The following OSTN variants were observed in gnomAD, a reference collection of about 807,000 sequenced individuals.
The protein encoded by OSTN is osteocrin.
Under a neutral mutation model 12.0 loss-of-function variants are expected in OSTN, and 9 were observed. That is an observed-to-expected ratio of 0.75 (90% CI 0.45 to 1.30). The LOEUF (loss-of-function observed/expected upper bound fraction) is 1.30. OSTN is among the 50% of genes most tolerant of loss of function. The probability of loss-of-function intolerance (pLI) is 0.00; values close to 1 mark genes in which losing one functional copy is unlikely to be tolerated. For synonymous variants in OSTN, 59 were observed against 56.9 expected (o/e 1.04, Z -0.16); for missense variants, 148 against 152.3 (o/e 0.97, Z 0.15).
intron 4 of OSTN, among the ~76,000 whole-genome samples, chr3:191,260,153 T>A (rs1715774123): frequency 6.6e-6 from 1 of 152,062 alleles, no homozygotes. Flanking sequence ...CCAGCCTGTG[T>A]ATCCTTTTAA....
At chr3:191,228,123 C>T (rs2108539102) in intron 3 of OSTN, among the ~76,000 whole-genome samples, 1 of 152,252 alleles carries the variant, frequency 6.6e-6, no homozygotes, top group African/African-American at 2.4e-5. Context: ...TACTGATGCT[C>T]AGATTGTCAT....
At chr3:191,212,487 A>T (rs1206617932) in intron 1 of OSTN, 46 bp from the exon 2 acceptor site, 3 of 1,324,870 alleles carry the variant, frequency 2.3e-6, no homozygotes, top group Admixed American at 2.0e-5. Flanking sequence ...TTTTGTCTTT[A>T]CATTCCAAAC....
intron 3 of OSTN, among the ~76,000 whole-genome samples, chr3:191,239,418 C>A (rs1403896041): frequency 6.6e-6 from 1 of 152,224 alleles, no homozygotes; most frequent in Admixed American, 6.5e-5. Flanking sequence ...TTCCCTGCCT[C>A]TAGACCCTAT....
intron 3 of OSTN, chr3:191,228,932 G>C (rs1415488312): frequency 6.6e-6 from 1 of 152,094 alleles, no homozygotes; most frequent in Non-Finnish European, 1.5e-5. Context: ...ATTAACTGTT[G>C]TTAGCATCAC....
chr3:191,250,210 T>G, intron 4 of OSTN, 77 bp downstream of exon 4: 1 of 1,141,318 alleles, frequency 8.8e-7, no homozygotes, highest in Non-Finnish European at 1.3e-6. Context: ...CAATCCATTC[T>G]TGCTTATAAA....
chr3:191,211,379 C>G lies in OSTN; in HGVS notation c.1-1154C>G, dbSNP rs531484622. ...CTTTAAATCAGTAGTCTGAAAAAAT[C>G]TCAATTAATAAATCTATTTTCTCTT... On this transcript the variant is annotated intron_variant, in intron 1 of 4. Transcript: ENST00000682035. Among the ~76,000 whole-genome samples the G allele has an allele frequency of 3.0e-4, 46 of 152,196 alleles. 1 individual carries two copies. The South Asian group carries it at 9.1e-3, about 30-fold the overall frequency.
At chr3:191,261,330 G>A (rs1715805258) in intron 4 of OSTN, among the ~76,000 whole-genome samples, 1 of 152,160 alleles carries the variant, frequency 6.6e-6, no homozygotes. Flanking sequence ...TCAAAAAATT[G>A]TATATTATCT....
intron 3 of OSTN, among the ~76,000 whole-genome samples, chr3:191,239,537 G>A (rs1354155978): frequency 4.6e-5 from 7 of 152,170 alleles, no homozygotes; most frequent in Admixed American, 6.5e-5. Flanking sequence ...GCCTGTCCAT[G>A]TGGCTAATTC....
At chr3:191,224,141 G>A (rs1396250970) in intron 3 of OSTN, among the ~76,000 whole-genome samples, 2 of 152,158 alleles carry the variant, frequency 1.3e-5, no homozygotes, top group Non-Finnish European at 2.9e-5. Context: ...ACTTTGGGAT[G>A]CTGAGGCGGG....
rs941703428 is a variant in OSTN at position 191,252,944 on chromosome 3, T to A, written c.*12+2811T>A. Reference sequence around the variant, plus strand: ...AGGTTCAAAAACATAAAGTTTCATTTAATCCAACCCCATTTTTTAAAACAA... The same window carrying A: ...AGGTTCAAAAACATAAAGTTTCATTAAATCCAACCCCATTTTTTAAAACAA... On this transcript the variant is annotated intron_variant, in intron 4 of 4. Coordinates refer to ENST00000682035, the MANE Select transcript of OSTN (RefSeq NM_198184.2). Among the ~76,000 whole-genome samples the A allele has an allele frequency of 5.3e-5, 8 of 152,234 alleles. No individual in the cohort carries two copies. In the South Asian group the frequency reaches 1.4e-3, roughly 28 times the overall value.
At chr3:191,258,944 A>G (rs1404947795) in intron 4 of OSTN, among the ~76,000 whole-genome samples, 1 of 152,196 alleles carries the variant, frequency 6.6e-6, no homozygotes, top group African/African-American at 2.4e-5. Context: ...TTTCTGGTCA[A>G]AAGCCAAAGT....
intron 3 of OSTN, among the ~76,000 whole-genome samples, chr3:191,230,092 A>ATAAATAAG (rs1428610972): frequency 7.2e-5 from 11 of 151,826 alleles, no homozygotes; most frequent in Non-Finnish European, 2.9e-5. Context: ...AAATAAATAA[A>ATAAATAAG]TAAATAAATA....
At chr3:191,212,042 GAC>G (rs1220261923) in intron 1 of OSTN, among the ~76,000 whole-genome samples, 1 of 151,756 alleles carries the variant, frequency 6.6e-6, no homozygotes, top group Admixed American at 6.6e-5. Context: ...ATCCTGACAT[GAC>G]ACAAGGACAT....
intron 4 of OSTN, among the ~76,000 whole-genome samples, chr3:191,254,153 T>A (rs761873273): frequency 1.3e-5 from 2 of 152,216 alleles, no homozygotes; most frequent in African/African-American, 2.4e-5. Context: ...TAGGCCTCTA[T>A]ATGTGATGCA....
intron 3 of OSTN, among the ~76,000 whole-genome samples, chr3:191,229,002 A>T (rs1576930349): frequency 2.0e-5 from 3 of 152,164 alleles, no homozygotes; most frequent in African/African-American, 7.2e-5. Context: ...ACTACCTGTA[A>T]AACAGTATTG....
chr3:191,211,441 T>A (rs910037223), intron 1 of OSTN, among the ~76,000 whole-genome samples: 1 of 152,224 alleles, frequency 6.6e-6, no homozygotes, highest in African/African-American at 2.4e-5. Context: ...TTTTGGCTAC[T>A]ATATACCATG....
intron 3 of OSTN, among the ~76,000 whole-genome samples, chr3:191,229,436 T>A (rs1247607953): frequency 3.9e-5 from 6 of 152,292 alleles, no homozygotes; most frequent in South Asian, 4.1e-4. Context: ...ACATGATTTT[T>A]AAAAAAATAA....
intron 2 of OSTN, among the ~76,000 whole-genome samples, chr3:191,215,445 C>G (rs1480146734): frequency 6.6e-6 from 1 of 152,188 alleles, no homozygotes; most frequent in Non-Finnish European, 1.5e-5. Context: ...AAAGTCTTAA[C>G]TTATTCCATC....
Position 191,262,938 on chromosome 3 carries a change from G to A in OSTN, c.*85G>A, listed in dbSNP as rs1369229161. ...ACTGAAGTTATTCACACTTCTTAATGATTAAACTTTTAAGGAACTGACCTT... is the reference window on the plus strand; with the variant it reads ...ACTGAAGTTATTCACACTTCTTAATAATTAAACTTTTAAGGAACTGACCTT... On this transcript the variant is annotated 3_prime_UTR_variant, in exon 5 of 5. Transcript: ENST00000682035. 1.4e-6 allele frequency: 1 copy of A among 699,256 alleles called. No individual in the cohort carries two copies. Among genetic ancestry groups the A allele is most frequent in the African/African-American group, 1.7e-5 (1 of 57,204 alleles). The allele number at this position is 699,256 out of a possible 1,614,324, so 43.3% of individuals were successfully genotyped here.
Sources: gnomAD v4.1 joint callset for allele counts (sites outside exome capture counted in the v4.1 genomes callset) on GRCh38, gnomAD v4.1.1 for gene constraint, MANE v1.5 for transcripts, NCBI Gene and HGNC (gene_info 2026-07-23, HGNC 2026-07-21) for gene names.